CLSTN2: variants seen among roughly 807,000 people sequenced by gnomAD.
CLSTN2 encodes calsyntenin 2.
In CLSTN2, 48 loss-of-function variants were observed where a neutral mutation model predicts 101.2. The ratio of observed to expected loss-of-function variants is 0.47; its 90% confidence interval spans 0.38 to 0.60. The LOEUF is 0.60. Among genes scored for constraint, CLSTN2 ranks in the 20% least tolerant of loss-of-function variants. The pLI is 0.00. For synonymous variants in CLSTN2, 481 were observed against 463.6 expected (o/e 1.04, Z -0.48); for missense variants, 1,160 against 1,238.2 (o/e 0.94, Z 0.95).
intron 1 of CLSTN2, among the ~76,000 whole-genome samples, chr3:140,093,556 G>A (rs561196554): frequency 6.6e-6 from 1 of 152,244 alleles, no homozygotes; most frequent in African/African-American, 2.4e-5. Context: ...CAGTGACTGA[G>A]GGCTAGCAGA....
chr3:140,418,269 C>T (rs2088453050), intron 4 of CLSTN2, among the ~76,000 whole-genome samples: 3 of 152,170 alleles, frequency 2.0e-5, no homozygotes, highest in South Asian at 4.2e-4. Flanking sequence ...CAATACTGAG[C>T]CATTCCAGAC....
chr3:140,406,280 G>C (rs2088301004), intron 4 of CLSTN2, among the ~76,000 whole-genome samples: 1 of 152,212 alleles, frequency 6.6e-6, no homozygotes, highest in African/African-American at 2.4e-5. Context: ...ATAGGGACTA[G>C]AAGTGAAGGA....
intron 1 of CLSTN2, among the ~76,000 whole-genome samples, chr3:140,045,504 G>T (rs527688458): frequency 5.9e-5 from 9 of 152,136 alleles, no homozygotes; most frequent in African/African-American, 1.7e-4. Flanking sequence ...TTTTTGAAGG[G>T]TTTTTTGTGT....
chr3:140,316,097 C>T (rs931529147), intron 2 of CLSTN2, among the ~76,000 whole-genome samples: 4 of 152,202 alleles, frequency 2.6e-5, no homozygotes, highest in African/African-American at 9.6e-5. Flanking sequence ...GCATTGGGCT[C>T]TGTGCTAGGT....
intron 9 of CLSTN2, 73 bp from the exon 10 acceptor site, chr3:140,546,441 TG>T: frequency 6.7e-7 from 1 of 1,491,918 alleles, no homozygotes; most frequent in Non-Finnish European, 9.1e-7. Flanking sequence ...TTTGGCTGCA[TG>T]GCCAAGTGGT....
chr3:140,227,726 G>A (rs773991154), intron 2 of CLSTN2, among the ~76,000 whole-genome samples: 2 of 152,206 alleles, frequency 1.3e-5, no homozygotes, highest in African/African-American at 4.8e-5. Context: ...TAAAGTCTAG[G>A]TTGAGGTTAC....
chr3:139,997,086 G>A (rs1268093600), intron 1 of CLSTN2, among the ~76,000 whole-genome samples: 4 of 149,930 alleles, frequency 2.7e-5, no homozygotes, highest in African/African-American at 4.9e-5. Flanking sequence ...ATACCTGATC[G>A]TGACTGCTGC....
intron 7 of CLSTN2, chr3:140,462,673 C>T (rs1933590955): frequency 6.6e-6 from 1 of 152,170 alleles, no homozygotes; most frequent in Non-Finnish European, 1.5e-5. Context: ...CCACTACTTC[C>T]ACCAAGAAAA....
intron 2 of CLSTN2, among the ~76,000 whole-genome samples, chr3:140,199,280 A>G (rs1223196807): frequency 6.6e-6 from 1 of 152,208 alleles, no homozygotes; most frequent in East Asian, 1.9e-4. Context: ...AGAAGAAACT[A>G]TGGTGAATAT....
At chr3:140,514,879 C>T (rs74577439) in intron 8 of CLSTN2, among the ~76,000 whole-genome samples, 6,290 of 152,186 alleles carry the variant, frequency 0.041, 443 homozygotes, top group African/African-American at 0.14. Flanking sequence ...TAGGGTGACA[C>T]TAGCTTCATA....
At chr3:140,362,492 A>G (rs1012385066) in intron 2 of CLSTN2, among the ~76,000 whole-genome samples, 13 of 152,190 alleles carry the variant, frequency 8.5e-5, no homozygotes, top group Non-Finnish European at 1.6e-4. Flanking sequence ...TTGTGCTTCA[A>G]AAGACATTAA....
chr3:140,482,027 A>G (rs1027318137), intron 8 of CLSTN2, among the ~76,000 whole-genome samples: 157 of 152,290 alleles, frequency 1.0e-3, no homozygotes, highest in African/African-American at 3.7e-3. Context: ...GTCCTGTGCC[A>G]GTTTTCAAAG....
At chr3:140,349,055 G>A (rs1360461486) in intron 2 of CLSTN2, among the ~76,000 whole-genome samples, 1 of 152,162 alleles carries the variant, frequency 6.6e-6, no homozygotes, top group African/African-American at 2.4e-5. Context: ...TAGATCGTGG[G>A]GGTGGTTCCC....
At chr3:140,282,936 T>C (rs1041272047) in intron 2 of CLSTN2, among the ~76,000 whole-genome samples, 8 of 152,170 alleles carry the variant, frequency 5.3e-5, no homozygotes, top group Non-Finnish European at 1.0e-4. Flanking sequence ...AACCTTCAAC[T>C]GCTGTTTCCA....
chr3:140,548,196 T>C lies in CLSTN2; in HGVS notation c.1674+1515T>C, dbSNP rs116381189. ...TCGTTCCATGGATATGCTAGTATTC[T>C]GTTATAGGCTAGTTTCTGAGATATG... is the stretch of plus-strand genomic sequence containing the variant. On this transcript the variant is annotated intron_variant, in intron 10 of 16. Transcript: ENST00000458420. Among the ~76,000 whole-genome samples the C allele has an allele frequency of 5.7e-3, 861 of 152,340 alleles. 2 individuals carry two copies. The highest frequency in any genetic ancestry group is 9.5e-3 in the Non-Finnish European group (646 of 68,036).
intron 1 of CLSTN2, among the ~76,000 whole-genome samples, chr3:139,980,945 CCTT>C (rs1233046337): frequency 6.6e-6 from 1 of 152,042 alleles, no homozygotes. Context: ...TCATTTACTG[CCTT>C]CTTCTTTCTT....
In CLSTN2 at chr3:140,556,696, G is replaced by C. The variant is rs1935802955; in HGVS notation, c.1823+35G>C. 5 of 1,603,480 alleles carry C rather than the reference G, an allele frequency of 3.1e-6. No individual in the cohort carries two copies. In the South Asian group the frequency reaches 4.4e-5, roughly 14 times the overall value. On this transcript the variant is annotated intron_variant, in intron 11 of 16. Transcript: ENST00000458420. ...CGCTGGTCAGCCTGGGGCCAACTGA[G>C]GCAGCAGTTGGGAAGGTCCCAACTG...
intron 1 of CLSTN2, among the ~76,000 whole-genome samples, chr3:139,955,028 T>C (rs911564068): frequency 8.7e-5 from 13 of 149,418 alleles, no homozygotes; most frequent in African/African-American, 3.2e-4. Context: ...AGTGTTAGCA[T>C]ATATAACATA....
chr3:140,115,239 C>T (rs2009221548), intron 1 of CLSTN2, among the ~76,000 whole-genome samples: 1 of 152,224 alleles, frequency 6.6e-6, no homozygotes, highest in Non-Finnish European at 1.5e-5. Context: ...ATTCTCTTCT[C>T]ATGATGCTGT....
Sources: allele counts gnomAD v4.1 joint callset (sites outside exome capture counted in the v4.1 genomes callset), GRCh38; gene constraint gnomAD v4.1.1; transcripts MANE v1.5; gene names NCBI Gene and HGNC (gene_info 2026-07-23, HGNC 2026-07-21).